The following STPG2 variants were observed in gnomAD, a reference collection of about 807,000 sequenced individuals.
STPG2 encodes sperm tail PG-rich repeat containing 2, also known as sperm-tail PG-rich repeat-containing protein 2.
Under a neutral mutation model 54.2 loss-of-function variants are expected in STPG2, and 56 were observed. The ratio of observed to expected loss-of-function variants is 1.03; its 90% CI spans 0.83 to 1.29. The LOEUF (loss-of-function observed/expected upper bound fraction) is 1.29, where lower values mean the gene tolerates loss of function less well. STPG2 is among the 50% of genes most tolerant of loss of function. The pLI is 0.00. For synonymous variants in STPG2, 200 were observed against 181.8 expected, an observed-to-expected ratio of 1.10 and a Z score of -0.81; for missense variants, 596 against 544.9, an observed-to-expected ratio of 1.09 and a Z score of -0.93.
chr4:97,485,267 T>C (rs1184202360), intron 4 of STPG2, among the ~76,000 whole-genome samples: 1 of 151,858 alleles, frequency 6.6e-6, no homozygotes, highest in Non-Finnish European at 1.5e-5. Context: ...GAAGTCAAAC[T>C]GTCACTGTTT....
chr4:97,933,447 G>A (rs1240418566), intron 8 of STPG2, among the ~76,000 whole-genome samples: 2 of 152,144 alleles, frequency 1.3e-5, no homozygotes, highest in African/African-American at 2.4e-5. Flanking sequence ...CCAAGCCTAT[G>A]TCCAGAATGT....
At chr4:98,140,744 G>A (rs1740258568) in intron 1 of STPG2, among the ~76,000 whole-genome samples, 1 of 151,992 alleles carries the variant, frequency 6.6e-6, no homozygotes, top group Non-Finnish European at 1.5e-5. Context: ...TTCAGATACC[G>A]GAGACCATCT....
At position 97,637,468 on chromosome 4, in the gene STPG2, A is replaced by G. The variant is rs1432028306; in HGVS notation, c.1320+75231T>C. On this transcript the variant is annotated intron_variant, in intron 10 of 10. Transcript: ENST00000295268. Reference sequence around the variant, plus strand: ...TGCCCTCTCTCACAACTCCTATTCAACATAGTGTTGGAAGTTCTGGCCAGG... The same window carrying G: ...TGCCCTCTCTCACAACTCCTATTCAGCATAGTGTTGGAAGTTCTGGCCAGG... 6.6e-5 allele frequency among the ~76,000 whole-genome samples: 10 copies of G among 152,300 alleles called. 1 individual carries two copies. In the South Asian group the frequency reaches 1.2e-3, roughly 19 times the overall value.
chr4:97,529,541 C>T (rs112658500), intron 4 of STPG2, among the ~76,000 whole-genome samples: 2,199 of 152,072 alleles, frequency 0.014, 53 homozygotes, highest in African/African-American at 0.05. Context: ...TGTTTGGAAT[C>T]GTTTCAGCAG....
intron 10 of STPG2, among the ~76,000 whole-genome samples, chr4:97,597,405 C>T (rs1322038588): frequency 6.6e-6 from 1 of 152,042 alleles, no homozygotes; most frequent in African/African-American, 2.4e-5. Context: ...CTAACTCATT[C>T]TACGAAGCCA....
intron 5 of STPG2, among the ~76,000 whole-genome samples, chr4:98,062,800 C>T (rs1333126897): frequency 1.3e-5 from 2 of 152,032 alleles, no homozygotes; most frequent in Non-Finnish European, 2.9e-5. Context: ...TAATAATATA[C>T]CACTTCAAGC....
At chr4:97,925,380 TTAAA>T (rs1221378108) in intron 8 of STPG2, among the ~76,000 whole-genome samples, 1 of 152,198 alleles carries the variant, frequency 6.6e-6, no homozygotes, top group Non-Finnish European at 1.5e-5. Context: ...AGTTAGACAA[TTAAA>T]TAAAAAATTT....
At chr4:97,763,746 G>C (rs953927218) in intron 9 of STPG2, among the ~76,000 whole-genome samples, 1 of 152,088 alleles carries the variant, frequency 6.6e-6, no homozygotes, top group African/African-American at 2.4e-5. Flanking sequence ...CCAGCAAGGG[G>C]AATTCATTCC....
Position 97,468,075 on chromosome 4 carries a change from G to A in STPG2, c.462+244624C>T, listed in dbSNP as rs140656336. 2.8e-4 allele frequency among the ~76,000 whole-genome samples: 43 copies of A among 151,994 alleles called. No individual in the cohort carries two copies. In the East Asian group the frequency reaches 4.3e-3, roughly 15 times the overall value. On this transcript the variant is annotated intron_variant, in intron 4 of 4. Transcript: ENST00000522676. ...TGATTAAATTATACTTTAACAGTCC[G>A]TCACTAATTTCTTGTTTAAACAACA...
At chr4:97,542,971 T>C (rs1419915010) in intron 4 of STPG2, among the ~76,000 whole-genome samples, 3 of 151,668 alleles carry the variant, frequency 2.0e-5, no homozygotes, top group Admixed American at 1.3e-4. Flanking sequence ...CCAGGGCCTG[T>C]TGTGGGGTGG....
intron 7 of STPG2, among the ~76,000 whole-genome samples, chr4:97,968,123 A>G (rs2052267770): frequency 6.6e-6 from 1 of 152,182 alleles, no homozygotes; most frequent in South Asian, 2.1e-4. Flanking sequence ...CAAGATTAAT[A>G]AAGAAGAAAA....
intron 5 of STPG2, among the ~76,000 whole-genome samples, chr4:98,052,223 C>T (rs1450770732): frequency 6.6e-6 from 1 of 152,084 alleles, no homozygotes; most frequent in East Asian, 1.9e-4. Flanking sequence ...TTTTGGCAAT[C>T]CATGTAATTT....
intron 9 of STPG2, among the ~76,000 whole-genome samples, chr4:97,763,351 T>G (rs1310253502): frequency 1.3e-5 from 2 of 152,180 alleles, no homozygotes; most frequent in Non-Finnish European, 2.9e-5. Flanking sequence ...AGACTAATGA[T>G]GTTACACACA....
intron 4 of STPG2, among the ~76,000 whole-genome samples, chr4:97,532,119 T>C (rs980012908): frequency 2.6e-5 from 4 of 152,182 alleles, no homozygotes; most frequent in Admixed American, 2.6e-4. Context: ...ATTTTGTATG[T>C]AATGTTTGAC....
chr4:97,656,722 A>C (rs1279795793), intron 10 of STPG2, among the ~76,000 whole-genome samples: 1 of 150,922 alleles, frequency 6.6e-6, no homozygotes, highest in Non-Finnish European at 1.5e-5. Context: ...ATCGAATACT[A>C]GTATTGTGCA....
intron 8 of STPG2, among the ~76,000 whole-genome samples, chr4:97,902,276 G>A (rs920964617): frequency 6.6e-6 from 1 of 151,980 alleles, no homozygotes; most frequent in African/African-American, 2.4e-5. Context: ...CATAAGCACA[G>A]GCAACAAAAG....
At chr4:97,581,536 C>T (rs1732863809) in intron 10 of STPG2, among the ~76,000 whole-genome samples, 1 of 152,042 alleles carries the variant, frequency 6.6e-6, no homozygotes, top group Non-Finnish European at 1.5e-5. Context: ...TAAGTCTGGA[C>T]TCAGCCTACT....
chr4:98,020,394 T>C (rs1736138420), intron 5 of STPG2, among the ~76,000 whole-genome samples: 1 of 145,354 alleles, frequency 6.9e-6, no homozygotes, highest in South Asian at 2.3e-4. Flanking sequence ...GATAAGCTTT[T>C]TGATGTGCTG....
At chr4:97,801,575 C>A (rs927839002) in intron 9 of STPG2, among the ~76,000 whole-genome samples, 3 of 152,140 alleles carry the variant, frequency 2.0e-5, no homozygotes, top group Non-Finnish European at 2.9e-5. Context: ...GTATTTTGGC[C>A]AATGACATGG....
Sources: allele counts gnomAD v4.1 joint callset (sites outside exome capture counted in the v4.1 genomes callset), GRCh38; gene constraint gnomAD v4.1.1; transcripts MANE v1.5; gene names NCBI Gene and HGNC (gene_info 2026-07-23, HGNC 2026-07-21).